TMEM106B: variants seen among roughly 807,000 people sequenced by gnomAD.
TMEM106B encodes the protein transmembrane protein 106B.
A neutral mutation model predicts 31.1 loss-of-function variants in TMEM106B; 15 were observed. The ratio of observed to expected loss-of-function variants is 0.48; its 90% CI spans 0.32 to 0.74. The LOEUF is 0.74. Among genes scored for constraint, TMEM106B ranks in the 30% least tolerant of loss-of-function variants. TMEM106B has a pLI of 0.03. For missense variants in TMEM106B, 283 were observed against 327.3 expected (o/e 0.86, Z 1.04); for synonymous variants, 126 against 112.5 (o/e 1.12, Z -0.76).
rs1432035849 is a variant in TMEM106B at position 12,242,465 on chromosome 7, CA to C, written c.*10491del. On this transcript the variant is annotated 3_prime_UTR_variant, in exon 8 of 8. Transcript: ENST00000396668. ...TTCTGCCTTGTTGATAACTTGTTAACATTTTTTTATTTTAGAATAAATCTAA... is the reference window on the plus strand; with the variant it reads ...TTCTGCCTTGTTGATAACTTGTTAACTTTTTTTATTTTAGAATAAATCTAA... 4.1e-5 allele frequency: 6 copies of C among 148,030 alleles called. No individual in the cohort carries two copies. The highest frequency in any genetic ancestry group is 7.4e-5 in the African/African-American group (3 of 40,716). 9.2% of individuals were successfully genotyped at this position (148,030 alleles called of 1,614,324 possible).
In TMEM106B at chr7:12,233,064, A is replaced by T. The variant is rs1266875017; in HGVS notation, c.*1089A>T. On this transcript the variant is annotated 3_prime_UTR_variant, in exon 8 of 8. Transcript: ENST00000396668. Reference sequence around the variant, plus strand: ...TGAATGTCATTAAATGATGGTGGCCAAAATAAAACCTATTTAGAAATTTAA... The same window carrying T: ...TGAATGTCATTAAATGATGGTGGCCTAAATAAAACCTATTTAGAAATTTAA... The T allele has an allele frequency of 6.6e-6, 1 of 151,848 alleles. No individual in the cohort carries two copies. The highest frequency in any genetic ancestry group is 1.5e-5 in the Non-Finnish European group (1 of 67,756). 9.4% of individuals were successfully genotyped at this position (151,848 alleles called of 1,614,324 possible).
chr7:12,218,404 A>G (rs1781728552), intron 2 of TMEM106B, 54 bp from the exon 3 acceptor site: 3 of 1,452,782 alleles, frequency 2.1e-6, no homozygotes, highest in African/African-American at 2.8e-5. Context: ...ATGGGGAGCC[A>G]TTATATTTTT....
At chr7:12,225,130 T>C (rs952302978) in intron 4 of TMEM106B, among the ~76,000 whole-genome samples, 9 of 152,192 alleles carry the variant, frequency 5.9e-5, no homozygotes, top group Non-Finnish European at 1.3e-4. Flanking sequence ...TGGTTTTCTG[T>C]CCTTGTGATA....
In TMEM106B at chr7:12,236,364, A is replaced by G. The variant is rs1465049612; in HGVS notation, c.*4389A>G. 1 of 151,920 alleles carries G rather than the reference A, an allele frequency of 6.6e-6. No homozygotes were observed. Among genetic ancestry groups the G allele is most frequent in the Non-Finnish European group, 1.5e-5 (1 of 67,844 alleles). 9.4% of individuals were successfully genotyped at this position (151,920 alleles called of 1,614,324 possible). A position where few individuals can be genotyped will look rare whatever the true frequency, so the allele number is the denominator to read the frequency against. On this transcript the variant is annotated 3_prime_UTR_variant, in exon 8 of 8. Coordinates refer to ENST00000396668, the MANE Select transcript of TMEM106B (RefSeq NM_001134232.2). Reference sequence around the variant, plus strand: ...ATAGTTATTTGTACAAGTATTTATCACAGACTCTAAATTGAAAAATGTAGT... The same window carrying G: ...ATAGTTATTTGTACAAGTATTTATCGCAGACTCTAAATTGAAAAATGTAGT...
At position 12,228,090 on chromosome 7, in the gene TMEM106B, G is replaced by A. The variant is rs988679954; in HGVS notation, c.442-1589G>A. ...GAAATGAAATTGACATGAACATTAA[G>A]AGCCAAATAGATAAAATGTTTATAT... On this transcript the variant is annotated intron_variant, in intron 4 of 7. Transcript: ENST00000396668. Among the ~76,000 whole-genome samples the A allele has an allele frequency of 2.6e-5, 4 of 151,846 alleles. No individual in the cohort carries two copies. In the East Asian group the frequency reaches 7.7e-4, roughly 29 times the overall value.
In TMEM106B at chr7:12,214,856, G is replaced by A. The variant is rs1338738117; in HGVS notation, c.46G>A (p.Asp16Asn). Residue 16 changes from aspartate to asparagine, a missense_variant, in exon 2 of 8, where the codon GAT (aspartate) becomes AAT (asparagine). By Grantham distance (23) the Asp-to-Asn change is conservative. Transcript: ENST00000396668. ...SHLPLHSSKE[D>N]AYDGVTSENM... ...TTTGCCTTTGCATTCAAGCAAAGAA[G>A]ATGCTTATGATGGAGTCACATCTGA... 4 of 1,613,744 alleles carry A rather than the reference G, an allele frequency of 2.5e-6. No individual in the cohort carries two copies. In the African/African-American group the frequency reaches 4.0e-5, roughly 16 times the overall value.
intron 3 of TMEM106B, among the ~76,000 whole-genome samples, chr7:12,218,980 A>G (rs989011964): frequency 6.6e-6 from 1 of 152,106 alleles, no homozygotes; most frequent in African/African-American, 2.4e-5. Context: ...CCAAAAGAAG[A>G]GGACACCCAG....
Position 12,229,705 on chromosome 7 carries a change from CTA to C in TMEM106B, c.470_471del (p.Tyr157LeufsTer6). 1 of 1,610,342 alleles carries C rather than the reference CTA, an allele frequency of 6.2e-7. No homozygotes were observed. Among genetic ancestry groups the C allele is most frequent in the Non-Finnish European group, 8.5e-7 (1 of 1,178,836 alleles). ...ACACACTAAATATAACAAACAATAA[CTA>C]TTACTCTGTCGAAGTTGAAAACATC... is the stretch of plus-strand genomic sequence containing the variant. The part of the protein sequence containing the change: ...TNTLNITNNN[Y>X]YSVEVENITA... On this transcript the variant is annotated frameshift_variant, in exon 5 of 8. Coordinates refer to ENST00000396668, the MANE Select transcript of TMEM106B (RefSeq NM_001134232.2). LOFTEE classifies it high-confidence loss of function.
chr7:12,222,458 T>C (rs942602580), intron 3 of TMEM106B, among the ~76,000 whole-genome samples: 13 of 152,160 alleles, frequency 8.5e-5, no homozygotes, highest in Non-Finnish European at 1.5e-4. Flanking sequence ...TATTCACAAC[T>C]AGGACTGACT....
At position 12,234,612 on chromosome 7, in the gene TMEM106B, TTAA is replaced by T. The variant is rs1782093362; in HGVS notation, c.*2640_*2642del. The T allele has an allele frequency of 6.6e-6, 1 of 151,800 alleles. No homozygotes were observed. The highest frequency in any genetic ancestry group is 2.1e-4 in the South Asian group (1 of 4,822). The allele number at this position is 151,800 out of a possible 1,614,324, so 9.4% of individuals were successfully genotyped here. ...TTTTTCCATGGGAATAGGATAGGTA[TTAA>T]TACGCTTTTCTAAACTGCTCTCAGA... On this transcript the variant is annotated 3_prime_UTR_variant, in exon 8 of 8. Coordinates refer to ENST00000396668, the MANE Select transcript of TMEM106B (RefSeq NM_001134232.2).
In TMEM106B at chr7:12,230,885, T is replaced by G. The variant is rs1451749224; in HGVS notation, c.633-177T>G. The G allele has an allele frequency of 1.2e-5, 6 of 491,738 alleles. No individual in the cohort carries two copies. In the East Asian group the frequency reaches 2.0e-4, roughly 16 times the overall value. The allele number at this position is 491,738 out of a possible 1,614,324, so 30.5% of individuals were successfully genotyped here. A position where few individuals can be genotyped will look rare whatever the true frequency, so the allele number is the denominator to read the frequency against. ...AACTGCAGTGGCATGAATACATACA[T>G]GTTTTTCGAGTAAGAAGTCATGAAT... On this transcript the variant is annotated intron_variant, in intron 6 of 7. Coordinates refer to ENST00000396668, the MANE Select transcript of TMEM106B (RefSeq NM_001134232.2).
chr7:12,221,104 G>GTGTGTGTGTGTGTGTGTC (rs1781776856), intron 3 of TMEM106B, among the ~76,000 whole-genome samples: 1 of 151,968 alleles, frequency 6.6e-6, no homozygotes, highest in Middle Eastern at 3.2e-3. Flanking sequence ...GTGTGTGTGT[G>GTGTGTGTGTGTGTGTGTC]TGTGTGTCTG....
chr7:12,240,128 A>T lies in TMEM106B; in HGVS notation c.*8153A>T, dbSNP rs879740157. The T allele has an allele frequency of 1.3e-5, 2 of 152,100 alleles. No homozygotes were observed. Among genetic ancestry groups the T allele is most frequent in the Admixed American group, 6.6e-5 (1 of 15,266 alleles). 9.4% of individuals were successfully genotyped at this position (152,100 alleles called of 1,614,324 possible). A position where few individuals can be genotyped will look rare whatever the true frequency, so the allele number is the denominator to read the frequency against. The stretch of plus-strand genomic sequence containing the variant: ...CTGGCTACAATCTCAGTTCACAATC[A>T]TTTCTTATTGCCCTTCAACAATGTC... On this transcript the variant is annotated 3_prime_UTR_variant, in exon 8 of 8. Transcript: ENST00000396668.
rs1470497831 is a variant in TMEM106B at position 12,240,337 on chromosome 7, G to A, written c.*8362G>A. The A allele has an allele frequency of 6.6e-6, 1 of 152,052 alleles. No homozygotes were observed. The highest frequency in any genetic ancestry group is 1.5e-5 in the Non-Finnish European group (1 of 68,026). 9.4% of individuals were successfully genotyped at this position (152,052 alleles called of 1,614,324 possible). ...CCCTCTAAACTTACTCAAACACTTG[G>A]TGAACTTTTTCTGAATGTTTTTTCT... On this transcript the variant is annotated 3_prime_UTR_variant, in exon 8 of 8. Transcript: ENST00000396668.
At chr7:12,221,923 C>T (rs1403415166) in intron 3 of TMEM106B, among the ~76,000 whole-genome samples, 1 of 152,118 alleles carries the variant, frequency 6.6e-6, no homozygotes, top group Non-Finnish European at 1.5e-5. Flanking sequence ...AGAGAATAGT[C>T]CTCAGAGCTC....
intron 2 of TMEM106B, among the ~76,000 whole-genome samples, chr7:12,216,380 GA>G (rs5882345): frequency 0.64 from 96,096 of 150,356 alleles, 31,594 homozygotes; most frequent in African/African-American, 0.82. Context: ...TATTAAAATT[GA>G]AAAAAAAAAG....
At chr7:12,213,373 A>T (rs980578938) in intron 1 of TMEM106B, among the ~76,000 whole-genome samples, 1 of 152,220 alleles carries the variant, frequency 6.6e-6, no homozygotes, top group African/African-American at 2.4e-5. Context: ...AAGAAATTTA[A>T]GGATGGAAAA....
rs1297629679 is a variant in TMEM106B at position 12,235,996 on chromosome 7, C to CTGTTT, written c.*4022_*4023insGTTTT. 9.9e-6 allele frequency: 1 copy of CTGTTT among 101,370 alleles called. No individual in the cohort carries two copies. Among genetic ancestry groups the CTGTTT allele is most frequent in the African/African-American group, 4.9e-5 (1 of 20,544 alleles). The allele number at this position is 101,370 out of a possible 1,614,324, so 6.3% of individuals were successfully genotyped here. On this transcript the variant is annotated 3_prime_UTR_variant, in exon 8 of 8. Transcript: ENST00000396668. ...TTTCAGATGAGATGTTTATCTTAGA[C>CTGTTT]TATTTTAGGGAAAAATTTTACATGT...
At chr7:12,214,672 G>A (rs562658233) in intron 1 of TMEM106B, 137 bp from the exon 2 acceptor site, 22 of 819,072 alleles carry the variant, frequency 2.7e-5, no homozygotes, top group South Asian at 2.0e-4. Flanking sequence ...TTTTGGCTCC[G>A]AATAAATCCC....
Sources: allele counts gnomAD v4.1 joint callset (sites outside exome capture counted in the v4.1 genomes callset), GRCh38; gene constraint gnomAD v4.1.1; transcripts MANE v1.5; gene names NCBI Gene and HGNC (gene_info 2026-07-23, HGNC 2026-07-21).